The following EBF1 variants were observed in gnomAD, a reference collection of about 807,000 sequenced individuals.
The protein encoded by EBF1 is EBF transcription factor 1.
EBF1 carries 10 observed loss-of-function variants against 68.4 expected under a neutral mutation model. The observed-to-expected ratio is 0.15, with a 90% CI of 0.09 to 0.25. The LOEUF (loss-of-function observed/expected upper bound fraction) is 0.25. Ranked by LOEUF, EBF1 falls within the 10% of genes least tolerant of loss-of-function variation. The probability of loss-of-function intolerance (pLI) is 1.00; values close to 1 mark genes in which losing one functional copy is unlikely to be tolerated. For synonymous variants in EBF1, 298 were observed against 299.8 expected, an observed-to-expected ratio of 0.99 and a Z score of 0.06; for missense variants, 509 against 794.4, an observed-to-expected ratio of 0.64 and a Z score of 4.32.
At chr5:159,030,018 G>A (rs1768456155) in intron 6 of EBF1, among the ~76,000 whole-genome samples, 1 of 150,544 alleles carries the variant, frequency 6.6e-6, no homozygotes, top group African/African-American at 2.4e-5. Context: ...AATAATAGTT[G>A]AAAATGAAAA....
At chr5:158,911,325 T>C (rs1362107612) in intron 6 of EBF1, among the ~76,000 whole-genome samples, 1 of 152,198 alleles carries the variant, frequency 6.6e-6, no homozygotes, top group Non-Finnish European at 1.5e-5. Flanking sequence ...TCAGTATCAC[T>C]AACTACAGCT....
At chr5:159,067,499 A>G (rs1168038567) in intron 6 of EBF1, among the ~76,000 whole-genome samples, 1 of 152,238 alleles carries the variant, frequency 6.6e-6, no homozygotes, top group East Asian at 1.9e-4. Context: ...ACCATGTAAA[A>G]GTACTTTGCA....
intron 6 of EBF1, among the ~76,000 whole-genome samples, chr5:158,891,269 T>A: frequency 6.6e-6 from 1 of 152,210 alleles, no homozygotes; most frequent in East Asian, 1.9e-4. Flanking sequence ...AGCCAACTTC[T>A]GCAGTTAGAA....
chr5:159,010,811 T>C (rs72813916), intron 6 of EBF1, among the ~76,000 whole-genome samples: 17,309 of 152,244 alleles, frequency 0.11, 1,056 homozygotes, highest in South Asian at 0.16. Flanking sequence ...AACGAGATGA[T>C]GTACGCCACA....
At chr5:158,775,395 AT>A (rs1774911330) in intron 10 of EBF1, among the ~76,000 whole-genome samples, 1 of 152,096 alleles carries the variant, frequency 6.6e-6, no homozygotes, top group African/African-American at 2.4e-5. Context: ...TGACCACAAA[AT>A]GGAACCATTA....
At chr5:158,707,939 G>C in intron 15 of EBF1, 40 bp downstream of exon 15, 3 of 1,539,440 alleles carry the variant, frequency 1.9e-6, no homozygotes, top group Non-Finnish European at 2.6e-6. Flanking sequence ...GTGAAGTCAG[G>C]GCATTGAATC....
chr5:158,721,568 T>G lies in EBF1; in HGVS notation c.1126-7386A>C, dbSNP rs1761938382. 2.0e-5 allele frequency among the ~76,000 whole-genome samples: 3 copies of G among 152,212 alleles called. No individual in the cohort carries two copies. In the South Asian group the frequency reaches 6.2e-4, roughly 31 times the overall value. ...TAAATGATTTGGCTCATAATTTTATTGAGTGAAAATTGTTCGCTGCCTATT... is the reference window on the plus strand; with the variant it reads ...TAAATGATTTGGCTCATAATTTTATGGAGTGAAAATTGTTCGCTGCCTATT... On this transcript the variant is annotated intron_variant, in intron 11 of 15. Transcript: ENST00000313708.
intron 10 of EBF1, among the ~76,000 whole-genome samples, chr5:158,745,366 G>A (rs1474607199): frequency 6.6e-6 from 1 of 152,188 alleles, no homozygotes; most frequent in Non-Finnish European, 1.5e-5. Flanking sequence ...AATACCTACT[G>A]TGACGATAAA....
intron 6 of EBF1, among the ~76,000 whole-genome samples, chr5:159,023,779 C>G (rs922804813): frequency 6.6e-6 from 1 of 152,074 alleles, no homozygotes; most frequent in Non-Finnish European, 1.5e-5. Flanking sequence ...GTATTGCTTA[C>G]CATTAAATGG....
At chr5:158,960,997 A>C (rs1434196908) in intron 6 of EBF1, among the ~76,000 whole-genome samples, 1 of 152,232 alleles carries the variant, frequency 6.6e-6, no homozygotes, top group African/African-American at 2.4e-5. Flanking sequence ...ATAAAAGCCC[A>C]TAAGGGAAAA....
At chr5:158,932,964 C>T (rs1255183621) in intron 6 of EBF1, among the ~76,000 whole-genome samples, 3 of 152,180 alleles carry the variant, frequency 2.0e-5, no homozygotes, top group African/African-American at 4.8e-5. Context: ...TTTATTTACT[C>T]ACTTTACAGA....
chr5:158,706,767 G>A (rs925508714), intron 15 of EBF1, among the ~76,000 whole-genome samples: 8 of 152,108 alleles, frequency 5.3e-5, no homozygotes, highest in South Asian at 2.1e-4. Flanking sequence ...CATCTCCACC[G>A]TTTAACCGAC....
chr5:159,093,232 A>G (rs1159140488), intron 4 of EBF1, among the ~76,000 whole-genome samples: 1 of 152,206 alleles, frequency 6.6e-6, no homozygotes, highest in Non-Finnish European at 1.5e-5. Context: ...GCAATTGGAT[A>G]ATGAGTAGGA....
At chr5:159,055,330 C>T (rs1346832296) in intron 6 of EBF1, among the ~76,000 whole-genome samples, 4 of 152,132 alleles carry the variant, frequency 2.6e-5, no homozygotes, top group South Asian at 4.1e-4. Flanking sequence ...TTACTTCTCT[C>T]GTTCTATAAA....
chr5:159,081,050 G>A (rs750941151), intron 5 of EBF1, among the ~76,000 whole-genome samples: 1 of 152,116 alleles, frequency 6.6e-6, no homozygotes, highest in Non-Finnish European at 1.5e-5. Context: ...GTGCAATCAG[G>A]GCTCACTGCA....
chr5:158,908,212 C>G (rs1301427625), intron 6 of EBF1, among the ~76,000 whole-genome samples: 2 of 152,022 alleles, frequency 1.3e-5, no homozygotes, highest in African/African-American at 4.8e-5. Flanking sequence ...ATTTCCCAAA[C>G]TGTTGGGGAG....
intron 6 of EBF1, among the ~76,000 whole-genome samples, chr5:158,916,058 G>A (rs560783694): frequency 1.3e-5 from 2 of 152,220 alleles, no homozygotes; most frequent in Admixed American, 1.3e-4. Context: ...CCGACAAAGG[G>A]GGGTCCAAAT....
At chr5:158,906,172 C>G (rs1293148692) in intron 6 of EBF1, among the ~76,000 whole-genome samples, 1 of 151,998 alleles carries the variant, frequency 6.6e-6, no homozygotes, top group African/African-American at 2.4e-5. Flanking sequence ...AAGCTTCTCT[C>G]TTTGCCAGTA....
At chr5:158,795,526 C>T (rs1484916123) in intron 9 of EBF1, among the ~76,000 whole-genome samples, 1 of 152,160 alleles carries the variant, frequency 6.6e-6, no homozygotes, top group Non-Finnish European at 1.5e-5. Flanking sequence ...TACCTTGTAA[C>T]CCTAACATTG....
Sources: gnomAD v4.1 joint callset for allele counts (sites outside exome capture counted in the v4.1 genomes callset) on GRCh38, gnomAD v4.1.1 for gene constraint, MANE v1.5 for transcripts, NCBI Gene and HGNC (gene_info 2026-07-23, HGNC 2026-07-21) for gene names.